SHB: variants seen among roughly 807,000 people sequenced by gnomAD.
The protein encoded by SHB is SH2 domain containing adaptor protein B.
In SHB, 20 loss-of-function variants were observed where a neutral mutation model predicts 52.3. The observed-to-expected ratio is 0.38, with a 90% CI of 0.27 to 0.56. SHB has a LOEUF of 0.56. SHB is among the 20% of genes least tolerant of loss of function. The probability of loss-of-function intolerance (pLI) is 0.71; values close to 1 mark genes in which losing one functional copy is unlikely to be tolerated. For synonymous variants in SHB, 397 were observed against 316.5 expected, an observed-to-expected ratio of 1.25 and a Z score of -2.70; for missense variants, 825 against 723.3, an observed-to-expected ratio of 1.14 and a Z score of -1.61.
At chr9:37,992,354 T>C (rs1564096428) in intron 2 of SHB, among the ~76,000 whole-genome samples, 1 of 151,986 alleles carries the variant, frequency 6.6e-6, no homozygotes, top group Non-Finnish European at 1.5e-5. Flanking sequence ...TGAGCTGAGA[T>C]CGCGCCATTG....
At chr9:37,977,834 C>T (rs536821957) in intron 2 of SHB, among the ~76,000 whole-genome samples, 2 of 152,286 alleles carry the variant, frequency 1.3e-5, no homozygotes, top group South Asian at 4.2e-4. Context: ...TCCTCTTCAC[C>T]CTCCTTCACA....
At chr9:37,981,546 C>A (rs1216652148) in intron 2 of SHB, among the ~76,000 whole-genome samples, 1 of 144,402 alleles carries the variant, frequency 6.9e-6, no homozygotes, top group Non-Finnish European at 1.5e-5. Context: ...ATTGTGTATT[C>A]GCAGGAGTGA....
intron 2 of SHB, among the ~76,000 whole-genome samples, chr9:37,988,064 C>T (rs1404884630): frequency 1.3e-5 from 2 of 152,248 alleles, no homozygotes; most frequent in Non-Finnish European, 2.9e-5. Flanking sequence ...CTGAGGGGTG[C>T]TGTTGACAAT....
chr9:37,921,956 T>C (rs1387486186), intron 5 of SHB, among the ~76,000 whole-genome samples: 1 of 152,112 alleles, frequency 6.6e-6, no homozygotes, highest in Non-Finnish European at 1.5e-5. Context: ...AGAAGGGGTG[T>C]GGAAGGGCGA....
At chr9:37,924,847 G>A (rs1434311112) in intron 5 of SHB, among the ~76,000 whole-genome samples, 1 of 152,168 alleles carries the variant, frequency 6.6e-6, no homozygotes, top group Non-Finnish European at 1.5e-5. Flanking sequence ...GGACATGGTA[G>A]GGCTAGGATT....
At chr9:37,970,677 T>C (rs931140027) in intron 3 of SHB, among the ~76,000 whole-genome samples, 6 of 152,154 alleles carry the variant, frequency 3.9e-5, no homozygotes, top group African/African-American at 7.2e-5. Context: ...TACCCAGAGC[T>C]GGTTGCAGAC....
chr9:37,977,983 C>T (rs187107986), intron 2 of SHB, among the ~76,000 whole-genome samples: 8 of 152,310 alleles, frequency 5.3e-5, no homozygotes, highest in Admixed American at 5.2e-4. Context: ...AGTGCTTTTG[C>T]TCACTCTCAC....
chr9:38,058,739 A>G (rs1004431106), intron 1 of SHB, among the ~76,000 whole-genome samples: 1 of 152,082 alleles, frequency 6.6e-6, no homozygotes, highest in East Asian at 1.9e-4. Context: ...CCGCTCAGTC[A>G]TATAGATCTC....
chr9:37,976,623 T>C (rs1820658862), intron 2 of SHB, among the ~76,000 whole-genome samples: 2 of 152,214 alleles, frequency 1.3e-5, no homozygotes, highest in South Asian at 4.1e-4. Flanking sequence ...AGCCTGTGTA[T>C]GACTTTCCTT....
intron 1 of SHB, among the ~76,000 whole-genome samples, chr9:38,033,351 C>T (rs545669393): frequency 2.0e-5 from 3 of 152,280 alleles, no homozygotes; most frequent in Admixed American, 6.5e-5. Context: ...CCAGCCAATT[C>T]GGGGAGGGGG....
chr9:37,965,298 A>G (rs1832736824), intron 3 of SHB, among the ~76,000 whole-genome samples: 1 of 152,208 alleles, frequency 6.6e-6, no homozygotes, highest in Non-Finnish European at 1.5e-5. Context: ...CAGGCCCACA[A>G]TGTGGCATCT....
chr9:37,957,971 T>G (rs1042808360), intron 3 of SHB, among the ~76,000 whole-genome samples: 1 of 151,842 alleles, frequency 6.6e-6, no homozygotes, highest in Non-Finnish European at 1.5e-5. Flanking sequence ...TGGAAGGGAG[T>G]TGGGAAGGAA....
chr9:37,948,624 G>A lies in SHB; in HGVS notation c.1346+11C>T, dbSNP rs1485812579. The A allele has an allele frequency of 6.2e-7, 1 of 1,613,014 alleles. No individual in the cohort carries two copies. On this transcript the variant is annotated intron_variant, in intron 5 of 5. Transcript: ENST00000377707. ...CCGAGGAGGGCTGGGGGTGCTCGGG[G>A]CGGCACTCACCTCAGGGAGAGGGAG...
At chr9:37,964,284 T>C (rs1414077644) in intron 3 of SHB, among the ~76,000 whole-genome samples, 1 of 152,170 alleles carries the variant, frequency 6.6e-6, no homozygotes, top group Non-Finnish European at 1.5e-5. Context: ...GGGAAGGCTG[T>C]GAAGCAGGTG....
At chr9:38,014,151 TC>T (rs950606620) in intron 2 of SHB, among the ~76,000 whole-genome samples, 2 of 150,982 alleles carry the variant, frequency 1.3e-5, no homozygotes, top group South Asian at 4.2e-4. Context: ...CAAGTCTCTG[TC>T]CCCCCCGCCC....
chr9:38,025,859 A>C (rs773106935), intron 1 of SHB, among the ~76,000 whole-genome samples: 2 of 152,190 alleles, frequency 1.3e-5, no homozygotes, highest in Non-Finnish European at 2.9e-5. Context: ...CAGAGGCTCC[A>C]AGTAACAAAT....
intron 1 of SHB, among the ~76,000 whole-genome samples, chr9:38,049,939 A>G (rs1432798119): frequency 1.3e-5 from 2 of 152,030 alleles, no homozygotes; most frequent in African/African-American, 2.4e-5. Context: ...AGCTGGGATT[A>G]CAGGCATGTG....
At chr9:37,991,207 T>A (rs1178966287) in intron 2 of SHB, among the ~76,000 whole-genome samples, 1 of 152,162 alleles carries the variant, frequency 6.6e-6, no homozygotes, top group Non-Finnish European at 1.5e-5. Context: ...CATTAACCCC[T>A]AGGACAGATG....
intron 2 of SHB, 21 bp from the exon 3 acceptor site, chr9:37,974,858 A>G: frequency 6.3e-7 from 1 of 1,598,110 alleles, no homozygotes; most frequent in Admixed American, 1.7e-5. Flanking sequence ...AAAGGAAGGA[A>G]GCAGAGATGA....
Sources: gnomAD v4.1 joint callset for allele counts (sites outside exome capture counted in the v4.1 genomes callset) on GRCh38, gnomAD v4.1.1 for gene constraint, MANE v1.5 for transcripts, NCBI Gene and HGNC (gene_info 2026-07-23, HGNC 2026-07-21) for gene names.